The following CADM2 variants were observed in gnomAD, a reference collection of about 807,000 sequenced individuals.
The protein encoded by CADM2 is immunoglobulin superfamily member 4D.
A neutral mutation model predicts 49.8 loss-of-function variants in CADM2; 12 were observed. The ratio of observed to expected loss-of-function variants is 0.24; its 90% CI spans 0.15 to 0.39. The LOEUF (loss-of-function observed/expected upper bound fraction) is 0.39. CADM2 is among the 10% of genes least tolerant of loss of function. CADM2 has a pLI of 1.00. For synonymous variants in CADM2, 214 were observed against 175.4 expected (o/e 1.22, Z -1.74); for missense variants, 378 against 492.3 (o/e 0.77, Z 2.20).
chr3:85,701,167 G>T (rs1040635720), intron 1 of CADM2, among the ~76,000 whole-genome samples: 2 of 152,134 alleles, frequency 1.3e-5, no homozygotes, highest in African/African-American at 4.8e-5. Flanking sequence ...GAAGAGATAA[G>T]AGGGGAGGTA....
chr3:85,303,963 C>G (rs545069141), intron 1 of CADM2, among the ~76,000 whole-genome samples: 6 of 151,966 alleles, frequency 3.9e-5, no homozygotes, highest in Admixed American at 1.3e-4. Context: ...GACATTGAGA[C>G]CGGAGGATTC....
intron 1 of CADM2, among the ~76,000 whole-genome samples, chr3:85,161,833 C>T (rs1433453115): frequency 6.6e-6 from 1 of 151,996 alleles, no homozygotes; most frequent in East Asian, 1.9e-4. Flanking sequence ...GTCTGGCCAA[C>T]ATGGTGAAAC....
chr3:85,835,214 G>A (rs2074355170), intron 3 of CADM2, among the ~76,000 whole-genome samples: 1 of 151,200 alleles, frequency 6.6e-6, no homozygotes, highest in Non-Finnish European at 1.5e-5. Context: ...ACATACTTGT[G>A]ATTAATGTTT....
At chr3:85,623,064 A>G (rs1260122797) in intron 1 of CADM2, among the ~76,000 whole-genome samples, 1 of 152,130 alleles carries the variant, frequency 6.6e-6, no homozygotes, top group African/African-American at 2.4e-5. Context: ...GATAAGAATC[A>G]GTGGGCCAGT....
Position 85,473,404 on chromosome 3 carries a change from A to G in CADM2, c.62-253118A>G, listed in dbSNP as rs529668025. ...AGATGAGCTTGCAGCCCTGCTCTGT[A>G]TTCTTTATCTTCATCACTGCACCAG... On this transcript the variant is annotated intron_variant, in intron 1 of 9. Coordinates refer to ENST00000383699, the MANE Select transcript of CADM2 (RefSeq NM_001167675.2). Among the ~76,000 whole-genome samples the G allele has an allele frequency of 5.3e-5, 8 of 152,142 alleles. No individual in the cohort carries two copies. In the South Asian group the frequency reaches 1.7e-3, roughly 32 times the overall value.
rs1207261652 is a variant in CADM2 at position 85,895,657 on chromosome 3, T to TG, written c.529+9333dup. Reference sequence around the variant, plus strand: ...TAGCTCCCATAATTCTCAGGTGTTATGGGAGGGACCCAGTGGGAGGTAAAT... The same window carrying TG: ...TAGCTCCCATAATTCTCAGGTGTTATGGGGAGGGACCCAGTGGGAGGTAAAT... On this transcript the variant is annotated intron_variant, in intron 5 of 9. Coordinates refer to ENST00000383699, the MANE Select transcript of CADM2 (RefSeq NM_001167675.2). Among the ~76,000 whole-genome samples, 7 of 152,310 alleles carry TG rather than the reference T, an allele frequency of 4.6e-5. No individual in the cohort carries two copies. In the South Asian group the frequency reaches 1.2e-3, roughly 27 times the overall value.
At chr3:86,042,369 A>G (rs185244726) in intron 8 of CADM2, among the ~76,000 whole-genome samples, 41 of 152,316 alleles carry the variant, frequency 2.7e-4, no homozygotes, top group Non-Finnish European at 5.0e-4. Context: ...AGAATCAAAT[A>G]GATGCAATAA....
chr3:84,974,207 T>C (rs1004981505), intron 1 of CADM2, among the ~76,000 whole-genome samples: 2 of 149,868 alleles, frequency 1.3e-5, no homozygotes, highest in Non-Finnish European at 3.0e-5. Flanking sequence ...CATGTTAAAA[T>C]AGACAAGCGA....
intron 1 of CADM2, among the ~76,000 whole-genome samples, chr3:85,060,672 A>G (rs905665039): frequency 1.3e-5 from 2 of 152,142 alleles, no homozygotes; most frequent in African/African-American, 4.8e-5. Flanking sequence ...TGAATATTAC[A>G]TGATAGCTAA....
At chr3:85,892,125 A>G (rs1381883342) in intron 5 of CADM2, among the ~76,000 whole-genome samples, 1 of 152,210 alleles carries the variant, frequency 6.6e-6, no homozygotes, top group Non-Finnish European at 1.5e-5. Flanking sequence ...CTTAGTACTT[A>G]AGAGGCATTG....
At chr3:85,424,076 T>G (rs2036290555) in intron 1 of CADM2, among the ~76,000 whole-genome samples, 1 of 152,106 alleles carries the variant, frequency 6.6e-6, no homozygotes, top group African/African-American at 2.4e-5. Context: ...TTATTATAGT[T>G]GAAGGTGTAA....
chr3:85,028,436 A>G (rs1355953845), intron 1 of CADM2, among the ~76,000 whole-genome samples: 1 of 152,126 alleles, frequency 6.6e-6, no homozygotes, highest in Admixed American at 6.5e-5. Flanking sequence ...AAACCATGCT[A>G]TTTAGAAATT....
At chr3:85,690,477 G>A (rs940292891) in intron 1 of CADM2, among the ~76,000 whole-genome samples, 2 of 150,702 alleles carry the variant, frequency 1.3e-5, no homozygotes, top group Non-Finnish European at 1.5e-5. Context: ...ACAAGGAAAT[G>A]AATAAAAGTA....
At chr3:85,854,647 G>A (rs906764055) in intron 3 of CADM2, among the ~76,000 whole-genome samples, 18 of 152,052 alleles carry the variant, frequency 1.2e-4, no homozygotes, top group African/African-American at 4.1e-4. Flanking sequence ...GGGTCAAGGG[G>A]AGGGATAGCG....
intron 8 of CADM2, among the ~76,000 whole-genome samples, chr3:86,008,837 T>C (rs1204022292): frequency 6.6e-6 from 1 of 151,922 alleles, no homozygotes; most frequent in Non-Finnish European, 1.5e-5. Context: ...GACGATTTTT[T>C]CCAGTTTTCA....
intron 1 of CADM2, among the ~76,000 whole-genome samples, chr3:85,273,016 A>T (rs768042215): frequency 1.6e-4 from 24 of 151,328 alleles, no homozygotes; most frequent in Non-Finnish European, 2.5e-4. Flanking sequence ...TGGGAGGTGA[A>T]GGAGCCTTAT....
intron 1 of CADM2, among the ~76,000 whole-genome samples, chr3:85,187,100 A>C (rs2041083165): frequency 6.6e-6 from 1 of 152,148 alleles, no homozygotes; most frequent in African/African-American, 2.4e-5. Context: ...TGTACATTTC[A>C]CAGTTAAGGA....
intron 1 of CADM2, among the ~76,000 whole-genome samples, chr3:85,069,831 C>G (rs2036657303): frequency 6.6e-6 from 1 of 152,028 alleles, no homozygotes; most frequent in Admixed American, 6.6e-5. Context: ...ATTTCTTTGA[C>G]TATAAGTGTT....
intron 5 of CADM2, among the ~76,000 whole-genome samples, chr3:85,897,202 G>GT (rs1715329960): frequency 9.2e-6 from 1 of 108,706 alleles, no homozygotes; most frequent in Non-Finnish European, 1.9e-5. Context: ...CATTATTAAT[G>GT]TTTCTGAGAA....
Sources: gnomAD v4.1 joint callset for allele counts (sites outside exome capture counted in the v4.1 genomes callset) on GRCh38, gnomAD v4.1.1 for gene constraint, MANE v1.5 for transcripts, NCBI Gene and HGNC (gene_info 2026-07-23, HGNC 2026-07-21) for gene names.